SYT9: variants seen among roughly 807,000 people sequenced by gnomAD.
SYT9 encodes synaptotagmin-9.
Under a neutral mutation model 48.4 loss-of-function variants are expected in SYT9, and 22 were observed. That is an observed-to-expected ratio of 0.45 (90% CI 0.32 to 0.65). The LOEUF is 0.65. SYT9 is among the 30% of genes least tolerant of loss of function. The pLI is 0.03. For synonymous variants in SYT9, 265 were observed against 245.0 expected (o/e 1.08, Z -0.76); for missense variants, 577 against 622.0 (o/e 0.93, Z 0.77).
In SYT9 at chr11:7,468,171, T is replaced by C. The variant is rs1848363993; in HGVS notation, c.*1371T>C. ...AATCTCTTTACAGCAGAATCCAGAG[T>C]TGGATTGTAGTTTACCTTCCTGGAA... On this transcript the variant is annotated 3_prime_UTR_variant, in exon 7 of 7. Transcript: ENST00000318881. 1 of 398,164 alleles carries C rather than the reference T, an allele frequency of 2.5e-6. No individual in the cohort carries two copies. 24.7% of individuals were successfully genotyped at this position (398,164 alleles called of 1,614,324 possible).
At chr11:7,405,800 T>C (rs541078616) in intron 3 of SYT9, among the ~76,000 whole-genome samples, 1 of 152,342 alleles carries the variant, frequency 6.6e-6, no homozygotes, top group African/African-American at 2.4e-5. Context: ...TATATTGGAA[T>C]TTTGTCATTT....
intron 6 of SYT9, among the ~76,000 whole-genome samples, chr11:7,454,978 A>G (rs1241350413): frequency 6.6e-6 from 1 of 152,258 alleles, no homozygotes; most frequent in Non-Finnish European, 1.5e-5. Context: ...AGGACAGCAG[A>G]TACACAGATG....
chr11:7,397,284 G>A (rs1211550866), intron 3 of SYT9, among the ~76,000 whole-genome samples: 1 of 152,052 alleles, frequency 6.6e-6, no homozygotes, highest in East Asian at 1.9e-4. Flanking sequence ...AAATTATGCA[G>A]CACCCTTCTA....
At chr11:7,401,230 G>A (rs549095850) in intron 3 of SYT9, among the ~76,000 whole-genome samples, 8 of 151,692 alleles carry the variant, frequency 5.3e-5, no homozygotes, top group African/African-American at 9.7e-5. Context: ...CAGTCTATGC[G>A]TGTAAGATAT....
rs16924146 is a variant in SYT9 at position 7,268,207 on chromosome 11, A to G, written c.145+15876A>G. ...AACAAAAGTTTTCAGTGAGCACAAG[A>G]ATTAAAGGTCATCAGCACTTCCATT... is the stretch of plus-strand genomic sequence containing the variant. On this transcript the variant is annotated intron_variant, in intron 1 of 6. Coordinates refer to ENST00000318881, the MANE Select transcript of SYT9 (RefSeq NM_175733.4). Among the ~76,000 whole-genome samples, 920 of 152,102 alleles carry G rather than the reference A, an allele frequency of 6.0e-3. 28 individuals are homozygous for G. The highest frequency in any genetic ancestry group is 0.037 in the Admixed American group (572 of 15,272).
intron 1 of SYT9, chr11:7,238,981 A>G (rs1847713114): frequency 4.4e-6 from 2 of 455,290 alleles, no homozygotes; most frequent in South Asian, 3.1e-5. Flanking sequence ...GCCTGCACCC[A>G]GAAGTGGTGG....
chr11:7,274,487 T>A (rs554695606), intron 1 of SYT9, among the ~76,000 whole-genome samples: 2 of 152,156 alleles, frequency 1.3e-5, no homozygotes, highest in African/African-American at 4.8e-5. Context: ...CAGCTAATTT[T>A]TTGTATTTTC....
At chr11:7,359,216 T>A (rs1850080822) in intron 3 of SYT9, among the ~76,000 whole-genome samples, 1 of 122,686 alleles carries the variant, frequency 8.2e-6, no homozygotes, top group South Asian at 3.3e-4. Context: ...TTCCATGGTG[T>A]ATATGTGCCA....
chr11:7,448,537 CTG>C (rs1388609626), intron 6 of SYT9, among the ~76,000 whole-genome samples: 1 of 152,220 alleles, frequency 6.6e-6, no homozygotes, highest in Non-Finnish European at 1.5e-5. Flanking sequence ...AGCAAGATGA[CTG>C]TGCTTTATTG....
chr11:7,424,133 G>A (rs1366387652), intron 6 of SYT9, among the ~76,000 whole-genome samples: 1 of 152,138 alleles, frequency 6.6e-6, no homozygotes, highest in Admixed American at 6.5e-5. Context: ...GCCTGCTCAG[G>A]GTTGCATCCA....
At chr11:7,326,554 G>T (rs990968083) in intron 3 of SYT9, among the ~76,000 whole-genome samples, 1 of 151,462 alleles carries the variant, frequency 6.6e-6, no homozygotes, top group Admixed American at 6.6e-5. Flanking sequence ...TTGATCCTTT[G>T]AATTGGAAAA....
At chr11:7,357,904 A>G (rs1485645190) in intron 3 of SYT9, among the ~76,000 whole-genome samples, 1 of 151,554 alleles carries the variant, frequency 6.6e-6, no homozygotes, top group East Asian at 1.9e-4. Context: ...TATAGACATA[A>G]TTTATTTCTC....
chr11:7,244,698 ATCTGGC>A (rs1847773891), intron 1 of SYT9, among the ~76,000 whole-genome samples: 1 of 152,256 alleles, frequency 6.6e-6, no homozygotes, highest in Admixed American at 6.5e-5. Flanking sequence ...AAAGGCAACT[ATCTGGC>A]AAGTAACTGA....
intron 2 of SYT9, among the ~76,000 whole-genome samples, chr11:7,309,476 G>C (rs1849090622): frequency 1.3e-5 from 2 of 152,096 alleles, no homozygotes; most frequent in African/African-American, 4.8e-5. Flanking sequence ...CAATGTCATT[G>C]TCCTTGTCAG....
rs10706521 is a variant in SYT9, at chr11:7,405,092, TAA to T, written c.1045-10933_1045-10932del. On this transcript the variant is annotated intron_variant, in intron 3 of 6. Transcript: ENST00000318881. Reference sequence around the variant, plus strand: ...CTTCACATCTGATACCTGTCAAGGTTAAAAAAAAAAAAAAAAAAGCCAAATAC... The same window carrying T: ...CTTCACATCTGATACCTGTCAAGGTTAAAAAAAAAAAAAAAAGCCAAATAC... Among the ~76,000 whole-genome samples, 511 of 130,242 alleles carry T rather than the reference TAA, an allele frequency of 3.9e-3. 1 individual carries two copies. The highest frequency in any genetic ancestry group is 4.7e-3 in the Non-Finnish European group (283 of 60,172). The allele number at this position is 130,242 out of a possible 152,430, so 85.4% of individuals were successfully genotyped here. A position where few individuals can be genotyped will look rare whatever the true frequency, so the allele number is the denominator to read the frequency against.
intron 2 of SYT9, among the ~76,000 whole-genome samples, chr11:7,307,511 T>G (rs1195631322): frequency 1.3e-5 from 2 of 152,224 alleles, no homozygotes; most frequent in East Asian, 1.9e-4. Context: ...CATTTCTATA[T>G]TTACTCTAGA....
At chr11:7,464,820 C>G (rs961206116) in intron 6 of SYT9, among the ~76,000 whole-genome samples, 1 of 152,026 alleles carries the variant, frequency 6.6e-6, no homozygotes, top group Non-Finnish European at 1.5e-5. Flanking sequence ...CGGTGGCTCA[C>G]GCCTGTAATC....
intron 3 of SYT9, among the ~76,000 whole-genome samples, chr11:7,358,136 T>C (rs1850058272): frequency 6.6e-6 from 1 of 152,100 alleles, no homozygotes; most frequent in African/African-American, 2.4e-5. Flanking sequence ...GAAAATGGTA[T>C]AGAAAGGGTT....
At chr11:7,381,240 G>C (rs1217536168) in intron 3 of SYT9, among the ~76,000 whole-genome samples, 1 of 152,092 alleles carries the variant, frequency 6.6e-6, no homozygotes, top group East Asian at 1.9e-4. Flanking sequence ...TAATATGTGA[G>C]TCCAATAGCC....
Sources: gnomAD v4.1 joint callset for allele counts (sites outside exome capture counted in the v4.1 genomes callset) on GRCh38, gnomAD v4.1.1 for gene constraint, MANE v1.5 for transcripts, NCBI Gene and HGNC (gene_info 2026-07-23, HGNC 2026-07-21) for gene names.